The following CCDC7 variants were observed in gnomAD, a reference collection of about 807,000 sequenced individuals.
The protein encoded by CCDC7 is coiled-coil domain-containing protein 7.
A neutral mutation model predicts 196.9 loss-of-function variants in CCDC7; 183 were observed. The observed-to-expected ratio is 0.93, with a 90% CI of 0.82 to 1.05. The LOEUF (loss-of-function observed/expected upper bound fraction) is 1.05, where lower values mean the gene tolerates loss of function less well. Ranked by LOEUF, CCDC7 falls within the 50% of genes least tolerant of loss-of-function variation. CCDC7 has a pLI of 0.00. For synonymous variants in CCDC7, 525 were observed against 484.6 expected, an observed-to-expected ratio of 1.08 and a Z score of -1.10; for missense variants, 1,540 against 1,482.2, an observed-to-expected ratio of 1.04 and a Z score of -0.64.
chr10:32,782,714 A>C (rs1470502788), intron 29 of CCDC7, among the ~76,000 whole-genome samples: 2 of 152,224 alleles, frequency 1.3e-5, no homozygotes, highest in Non-Finnish European at 2.9e-5. Context: ...AAAGGAGAAT[A>C]AATTTGGAAG....
intron 18 of CCDC7, among the ~76,000 whole-genome samples, chr10:32,629,279 ACTGG>A (rs1024215397): frequency 6.6e-6 from 1 of 151,828 alleles, no homozygotes; most frequent in Admixed American, 6.6e-5. Flanking sequence ...ACAGTTTTTG[ACTGG>A]AAGTTTATTT....
At chr10:32,716,748 C>T (rs1288687313) in intron 25 of CCDC7, among the ~76,000 whole-genome samples, 1 of 152,118 alleles carries the variant, frequency 6.6e-6, no homozygotes, top group Non-Finnish European at 1.5e-5. Flanking sequence ...GGTTGCAATC[C>T]TAGTCTCTAA....
intron 41 of CCDC7, among the ~76,000 whole-genome samples, chr10:32,871,617 C>G (rs1383309507): frequency 6.6e-6 from 1 of 151,950 alleles, no homozygotes; most frequent in East Asian, 1.9e-4. Context: ...CTGCTCTGAT[C>G]TTAGTTGTTT....
At chr10:32,500,935 A>T (rs192860770) in intron 9 of CCDC7, among the ~76,000 whole-genome samples, 1 of 152,314 alleles carries the variant, frequency 6.6e-6, no homozygotes, top group African/African-American at 2.4e-5. Flanking sequence ...AATCCCAGGC[A>T]CTTGGCAGGC....
chr10:32,563,696 C>A (rs571195960), intron 13 of CCDC7, among the ~76,000 whole-genome samples: 36 of 152,118 alleles, frequency 2.4e-4, no homozygotes, highest in African/African-American at 8.4e-4. Context: ...CCATAAAAAC[C>A]CTAGAAGAAA....
At chr10:32,639,911 C>G (rs1310020258) in intron 20 of CCDC7, among the ~76,000 whole-genome samples, 1 of 152,086 alleles carries the variant, frequency 6.6e-6, no homozygotes, top group South Asian at 2.1e-4. Flanking sequence ...GCCACTGCAC[C>G]CGACCAATTT....
At chr10:32,462,807 T>C (rs1034947770) in intron 4 of CCDC7, 104 bp downstream of exon 5, 1 of 1,270,954 alleles carries the variant, frequency 7.9e-7, no homozygotes, top group African/African-American at 1.5e-5. Flanking sequence ...AGGAATTCCA[T>C]ACTTGCTGCT....
intron 31 of CCDC7, among the ~76,000 whole-genome samples, chr10:32,820,290 C>G (rs2089896733): frequency 6.6e-6 from 1 of 152,196 alleles, no homozygotes. Context: ...GCACTACAAA[C>G]TACTGCTCAG....
chr10:32,613,561 T>A (rs770160359), intron 18 of CCDC7, among the ~76,000 whole-genome samples: 25 of 152,228 alleles, frequency 1.6e-4, no homozygotes, highest in Non-Finnish European at 2.9e-4. Flanking sequence ...GTGCTATAAA[T>A]TGCCCTCTAA....
intron 8 of CCDC7, among the ~76,000 whole-genome samples, chr10:32,477,339 A>T (rs991082285): frequency 4.6e-5 from 7 of 151,968 alleles, no homozygotes; most frequent in Non-Finnish European, 1.0e-4. Context: ...AGCAGCTGGG[A>T]CCACAGGCGT....
At chr10:32,758,507 A>G (rs1256132052) in intron 28 of CCDC7, among the ~76,000 whole-genome samples, 2 of 152,242 alleles carry the variant, frequency 1.3e-5, no homozygotes, top group African/African-American at 4.8e-5. Flanking sequence ...CCACATGATT[A>G]TCTCAATAGA....
rs116996081 is a variant in CCDC7 at position 32,677,868 on chromosome 10, A to G, written c.2123-8102A>G. Among the ~76,000 whole-genome samples the G allele has an allele frequency of 3.0e-3, 457 of 152,208 alleles. 2 individuals carry two copies. Among genetic ancestry groups the G allele is most frequent in the Non-Finnish European group, 5.2e-3 (356 of 68,020 alleles). The stretch of plus-strand genomic sequence containing the variant: ...TGGTTCACATGATGGTATCCCATAC[A>G]TCTTATAGGATTTCTTCACTCTTTT... On this transcript the variant is annotated intron_variant, in intron 21 of 41. Transcript: ENST00000639629.
intron 2 of CCDC7, among the ~76,000 whole-genome samples, chr10:32,454,537 A>G (rs1219247267): frequency 6.6e-6 from 1 of 152,026 alleles, no homozygotes; most frequent in Non-Finnish European, 1.5e-5. Flanking sequence ...TATCCAGGTA[A>G]CAAACCTGCA....
intron 18 of CCDC7, among the ~76,000 whole-genome samples, chr10:32,614,876 T>C (rs1413713062): frequency 6.6e-6 from 1 of 152,196 alleles, no homozygotes; most frequent in Non-Finnish European, 1.5e-5. Flanking sequence ...GCTCCACTTA[T>C]AAGTGAGAAC....
chr10:32,866,704 G>C (rs192343795), intron 41 of CCDC7, among the ~76,000 whole-genome samples: 3 of 151,582 alleles, frequency 2.0e-5, no homozygotes, highest in African/African-American at 7.2e-5. Flanking sequence ...CAATAGAATG[G>C]CAGCTGATAA....
intron 28 of CCDC7, among the ~76,000 whole-genome samples, chr10:32,757,124 G>C (rs2076593825): frequency 6.6e-6 from 1 of 152,104 alleles, no homozygotes; most frequent in Non-Finnish European, 1.5e-5. Flanking sequence ...GACCTACAAA[G>C]AGACTTAGAC....
At chr10:32,713,599 A>T (rs1190951995) in intron 25 of CCDC7, among the ~76,000 whole-genome samples, 1 of 152,256 alleles carries the variant, frequency 6.6e-6, no homozygotes, top group Non-Finnish European at 1.5e-5. Context: ...AATAGCACTC[A>T]TACTGTTCAT....
chr10:32,569,445 A>G (rs932135051), intron 15 of CCDC7, among the ~76,000 whole-genome samples: 1 of 151,606 alleles, frequency 6.6e-6, no homozygotes, highest in South Asian at 2.1e-4. Flanking sequence ...TCATTTTTTG[A>G]GATGGAGTTT....
chr10:32,802,871 C>T (rs1375646394), intron 29 of CCDC7, among the ~76,000 whole-genome samples: 1 of 152,212 alleles, frequency 6.6e-6, no homozygotes, highest in South Asian at 2.1e-4. Context: ...TCACATTCTT[C>T]TGCCTGCTTT....
Sources: gnomAD v4.1 joint callset for allele counts (sites outside exome capture counted in the v4.1 genomes callset) on GRCh38, gnomAD v4.1.1 for gene constraint, MANE v1.5 for transcripts, NCBI Gene and HGNC (gene_info 2026-07-23, HGNC 2026-07-21) for gene names.